Variants in CHSY3 observed in about 807,000 individuals in gnomAD.
CHSY3 encodes chondroitin sulfate synthase 3.
CHSY3 carries 35 observed loss-of-function variants against 67.2 expected under a neutral mutation model. The ratio of observed to expected loss-of-function variants is 0.52; its 90% confidence interval spans 0.40 to 0.69. The LOEUF (loss-of-function observed/expected upper bound fraction) is 0.69, where lower values mean the gene tolerates loss of function less well. CHSY3 is among the 30% of genes least tolerant of loss of function. CHSY3 has a pLI of 0.00. For missense variants in CHSY3, 1,069 were observed against 1,138.5 expected (o/e 0.94, Z 0.88); for synonymous variants, 474 against 434.7 (o/e 1.09, Z -1.12).
intron 2 of CHSY3, among the ~76,000 whole-genome samples, chr5:130,002,788 TA>T (rs1223188740): frequency 2.0e-5 from 3 of 152,082 alleles, no homozygotes; most frequent in Non-Finnish European, 4.4e-5. Context: ...AATATTATTT[TA>T]AAAAAATAAT....
intron 2 of CHSY3, among the ~76,000 whole-genome samples, chr5:130,166,737 G>C (rs1200180289): frequency 6.6e-6 from 1 of 152,022 alleles, no homozygotes; most frequent in African/African-American, 2.4e-5. Flanking sequence ...ATTTTAATTG[G>C]ATGTTTAGCT....
At chr5:130,011,673 A>T (rs1437052235) in intron 2 of CHSY3, among the ~76,000 whole-genome samples, 1 of 152,218 alleles carries the variant, frequency 6.6e-6, no homozygotes, top group Non-Finnish European at 1.5e-5. Flanking sequence ...GGAAGATAGG[A>T]AATCAAACTA....
chr5:129,979,520 G>A (rs146015059), intron 2 of CHSY3, among the ~76,000 whole-genome samples: 2 of 151,692 alleles, frequency 1.3e-5, no homozygotes, highest in African/African-American at 4.8e-5. Flanking sequence ...ATGTATCTCC[G>A]ACCTCTACAG....
intron 2 of CHSY3, among the ~76,000 whole-genome samples, chr5:130,012,245 G>T (rs975745756): frequency 2.0e-5 from 3 of 152,132 alleles, no homozygotes; most frequent in African/African-American, 7.2e-5. Context: ...TACAAAAATA[G>T]ACACATAGAC....
chr5:130,122,017 C>T (rs972292824), intron 2 of CHSY3, among the ~76,000 whole-genome samples: 4 of 152,114 alleles, frequency 2.6e-5, no homozygotes, highest in African/African-American at 7.2e-5. Flanking sequence ...AGGCCCTACC[C>T]GAGGCAATAT....
At chr5:130,121,510 T>C (rs1156289192) in intron 2 of CHSY3, among the ~76,000 whole-genome samples, 1 of 152,148 alleles carries the variant, frequency 6.6e-6, no homozygotes, top group Admixed American at 6.5e-5. Flanking sequence ...CTCCTGGAGC[T>C]TCCTTGTAGC....
intron 2 of CHSY3, among the ~76,000 whole-genome samples, chr5:129,943,654 G>A (rs1561466053): frequency 1.3e-5 from 2 of 151,928 alleles, no homozygotes; most frequent in East Asian, 1.9e-4. Context: ...TTTCATGAAG[G>A]GTAGATTAGG....
intron 2 of CHSY3, among the ~76,000 whole-genome samples, chr5:130,082,249 G>A (rs1766469858): frequency 6.7e-6 from 1 of 148,614 alleles, no homozygotes; most frequent in African/African-American, 2.5e-5. Flanking sequence ...AAAGTGGACT[G>A]CTGAATTTTT....
At chr5:130,160,746 T>C (rs1038616880) in intron 2 of CHSY3, among the ~76,000 whole-genome samples, 5 of 152,150 alleles carry the variant, frequency 3.3e-5, no homozygotes, top group Non-Finnish European at 5.9e-5. Flanking sequence ...TGGTGTTACC[T>C]ACTTGCCAAA....
chr5:129,905,267 A>G lies in CHSY3; in HGVS notation c.438A>G (p.Arg146=). 8 of 1,454,488 alleles carry G rather than the reference A, an allele frequency of 5.5e-6. No homozygotes were observed. Among genetic ancestry groups the G allele is most frequent in the Non-Finnish European group, 7.2e-6 (8 of 1,106,806 alleles). 90.1% of individuals were successfully genotyped at this position (1,454,488 alleles called of 1,614,324 possible). The change falls in exon 1 of 3, where the codon AGA becomes AGG. Residue 146 remains arginine (R), a synonymous_variant. Transcript: ENST00000305031. The part of the protein sequence containing the change: ...EEDGGAAGQR[R]DGRPGSSHNG... ...ACGGGGGCGCGGCTGGGCAGCGGAG[A>G]GACGGCCGGCCGGGGAGTAGCCACA... is the stretch of plus-strand genomic sequence containing the variant.
At chr5:130,050,310 T>C (rs1765297759) in intron 2 of CHSY3, among the ~76,000 whole-genome samples, 1 of 152,142 alleles carries the variant, frequency 6.6e-6, no homozygotes, top group Non-Finnish European at 1.5e-5. Flanking sequence ...CTTTACCTGT[T>C]CAAAAATAAC....
chr5:130,153,563 C>G (rs1399083634), intron 2 of CHSY3, among the ~76,000 whole-genome samples: 1 of 152,108 alleles, frequency 6.6e-6, no homozygotes, highest in Admixed American at 6.6e-5. Context: ...ATTGCTCCAA[C>G]AGGTAGTCCC....
chr5:130,080,227 C>T (rs1766404363), intron 2 of CHSY3, among the ~76,000 whole-genome samples: 1 of 151,954 alleles, frequency 6.6e-6, no homozygotes, highest in South Asian at 2.1e-4. Context: ...TAGGTCAGAC[C>T]TCCAATACAC....
At chr5:130,078,248 C>G (rs902913950) in intron 2 of CHSY3, among the ~76,000 whole-genome samples, 1 of 152,008 alleles carries the variant, frequency 6.6e-6, no homozygotes, top group East Asian at 1.9e-4. Context: ...AATGCCTCTC[C>G]GCCAGCCTAC....
intron 2 of CHSY3, among the ~76,000 whole-genome samples, chr5:130,043,107 GC>G (rs533881856): frequency 1.3e-5 from 2 of 152,006 alleles, no homozygotes; most frequent in Non-Finnish European, 2.9e-5. Flanking sequence ...TTAACAAGGA[GC>G]CCTTTGCCTT....
At chr5:130,115,363 G>C (rs2149706112) in intron 2 of CHSY3, among the ~76,000 whole-genome samples, 1 of 152,004 alleles carries the variant, frequency 6.6e-6, no homozygotes, top group East Asian at 1.9e-4. Context: ...TCACTTCAAA[G>C]CAAGGCATAA....
chr5:130,033,482 G>GAT (rs1764758966), intron 2 of CHSY3, among the ~76,000 whole-genome samples: 1 of 152,128 alleles, frequency 6.6e-6, no homozygotes, highest in South Asian at 2.1e-4. Flanking sequence ...TCATGAAACT[G>GAT]TCTTGTGATA....
At position 129,905,321 on chromosome 5, in the gene CHSY3, C is replaced by T. The variant is rs1356720324; in HGVS notation, c.492C>T (p.Ala164=). The T allele has an allele frequency of 6.6e-7, 1 of 1,523,348 alleles. No individual in the cohort carries two copies. The allele number at this position is 1,523,348 out of a possible 1,614,324, so 94.4% of individuals were successfully genotyped here. A position where few individuals can be genotyped will look rare whatever the true frequency, so the allele number is the denominator to read the frequency against. ...GCAGCGGGGACGGGGGCGCTGCCGC[C>T]CCGAGCGCCCGACCCCGGGACTTCC... ...HNGSGDGGAA[A]PSARPRDFLY... The change falls in exon 1 of 3, where the codon GCC becomes GCT. Residue 164 remains alanine (A), a synonymous_variant. Transcript: ENST00000305031.
intron 2 of CHSY3, among the ~76,000 whole-genome samples, chr5:130,007,603 GA>G (rs1763911344): frequency 6.6e-6 from 1 of 152,158 alleles, no homozygotes; most frequent in Non-Finnish European, 1.5e-5. Context: ...GAGACCCCAT[GA>G]CCCCTGTGGA....
Sources: gnomAD v4.1 joint callset for allele counts (sites outside exome capture counted in the v4.1 genomes callset) on GRCh38, gnomAD v4.1.1 for gene constraint, MANE v1.5 for transcripts, NCBI Gene and HGNC (gene_info 2026-07-23, HGNC 2026-07-21) for gene names.